The following CNTNAP2 variants were observed in gnomAD, a reference collection of about 807,000 sequenced individuals.
CNTNAP2 encodes the protein contactin associated protein 2, also known as contactin-associated protein-like 2.
CNTNAP2 carries 98 observed loss-of-function variants against 155.2 expected under a neutral mutation model. That is an observed-to-expected ratio of 0.63 (90% CI 0.54 to 0.75). The LOEUF is 0.75. Among genes scored for constraint, CNTNAP2 ranks in the 30% least tolerant of loss-of-function variants. The pLI, the probability that CNTNAP2 is intolerant of heterozygous loss-of-function variation, is 0.00. For synonymous variants in CNTNAP2, 651 were observed against 631.2 expected (o/e 1.03, Z -0.47); for missense variants, 1,727 against 1,688.1 (o/e 1.02, Z -0.40).
intron 1 of CNTNAP2, among the ~76,000 whole-genome samples, chr7:146,550,345 G>A (rs1798096281): frequency 1.4e-5 from 2 of 148,074 alleles, no homozygotes; most frequent in Non-Finnish European, 3.0e-5. Flanking sequence ...TAGATCCTAT[G>A]GGCAGCAATT....
intron 9 of CNTNAP2, among the ~76,000 whole-genome samples, chr7:147,325,987 A>G (rs1321665000): frequency 1.3e-5 from 2 of 152,088 alleles, no homozygotes; most frequent in African/African-American, 4.8e-5. Flanking sequence ...CAGTGGCACA[A>G]TCTCGGCTCA....
chr7:146,220,963 T>C (rs1799198975), intron 1 of CNTNAP2, among the ~76,000 whole-genome samples: 1 of 152,242 alleles, frequency 6.6e-6, no homozygotes, highest in Non-Finnish European at 1.5e-5. Context: ...TGCCCAAAGT[T>C]TGATTATACA....
chr7:146,577,976 G>C (rs561137255), intron 1 of CNTNAP2, among the ~76,000 whole-genome samples: 1 of 152,138 alleles, frequency 6.6e-6, no homozygotes. Flanking sequence ...AGAAACCCAG[G>C]TCAAAGTTGT....
chr7:147,533,784 T>C (rs943416542), intron 11 of CNTNAP2, among the ~76,000 whole-genome samples: 23 of 151,964 alleles, frequency 1.5e-4, no homozygotes, highest in Admixed American at 1.5e-3. Flanking sequence ...TTGGTAAGAA[T>C]AGTTTTAACT....
intron 15 of CNTNAP2, among the ~76,000 whole-genome samples, chr7:148,015,199 A>C (rs766997416): frequency 3.3e-5 from 5 of 152,138 alleles, no homozygotes; most frequent in Non-Finnish European, 7.4e-5. Context: ...TTTGCAGAAC[A>C]TTACATAGTA....
chr7:147,121,086 A>G lies in CNTNAP2; in HGVS notation c.862A>G (p.Ile288Val), dbSNP rs757316182. ...SVVIERQGRS[I>V]NLTLDRSMQH... ...GGTCATTGAGCGCCAGGGGCGGAGC[A>G]TTAACCTCACTCTGGACAGGAGCAT... The change falls in exon 6 of 24, where the codon ATT becomes GTT. Residue 288 changes from isoleucine to valine, a missense_variant. By Grantham distance (29) the Ile-to-Val change is conservative. Coordinates refer to ENST00000361727, the MANE Select transcript of CNTNAP2 (RefSeq NM_014141.6). The G allele has an allele frequency of 1.8e-5, 29 of 1,614,064 alleles. No individual in the cohort carries two copies. Among genetic ancestry groups the G allele is most frequent in the Non-Finnish European group, 2.4e-5 (28 of 1,180,048 alleles).
At chr7:146,513,081 AT>A (rs2129135840) in intron 1 of CNTNAP2, among the ~76,000 whole-genome samples, 1 of 151,860 alleles carries the variant, frequency 6.6e-6, no homozygotes, top group East Asian at 1.9e-4. Flanking sequence ...CTTGAAGTCT[AT>A]TTTTATCTGA....
chr7:146,928,910 G>C (rs559866813), intron 3 of CNTNAP2, among the ~76,000 whole-genome samples: 3 of 152,346 alleles, frequency 2.0e-5, no homozygotes, highest in South Asian at 4.1e-4. Flanking sequence ...GCCCAGGCTT[G>C]CTTAGGTAAA....
chr7:147,983,811 G>A (rs191001904), intron 15 of CNTNAP2, among the ~76,000 whole-genome samples: 165 of 152,302 alleles, frequency 1.1e-3, no homozygotes, highest in Middle Eastern at 3.4e-3. Flanking sequence ...TACTTATTAT[G>A]TAGATGAAGT....
chr7:146,396,092 A>G (rs1639483), intron 1 of CNTNAP2, among the ~76,000 whole-genome samples: 78,137 of 151,884 alleles, frequency 0.51, 22,396 homozygotes, highest in African/African-American at 0.77. Context: ...CTGCCCTGAC[A>G]CATGATAGAT....
chr7:146,944,169 T>C (rs899108001), intron 3 of CNTNAP2, among the ~76,000 whole-genome samples: 58 of 151,450 alleles, frequency 3.8e-4, no homozygotes, highest in African/African-American at 1.3e-3. Context: ...GTTCCTGACA[T>C]GGCTATTTTT....
Position 147,931,634 on chromosome 7 carries a change from C to T in CNTNAP2, c.2255+27913C>T, listed in dbSNP as rs565248894. On this transcript the variant is annotated intron_variant, in intron 14 of 23. Coordinates refer to ENST00000361727, the MANE Select transcript of CNTNAP2 (RefSeq NM_014141.6). The stretch of plus-strand genomic sequence containing the variant: ...GAAGGATGTTTCAACATAAATAAAT[C>T]AATTAATGTGCTGCACTACATTGCC... Among the ~76,000 whole-genome samples the T allele has an allele frequency of 2.0e-5, 3 of 152,180 alleles. No homozygotes were observed. In the East Asian group the frequency reaches 5.8e-4, roughly 29 times the overall value.
intron 1 of CNTNAP2, among the ~76,000 whole-genome samples, chr7:146,434,409 A>C (rs374654181): frequency 6.6e-6 from 1 of 152,206 alleles, no homozygotes; most frequent in African/African-American, 2.4e-5. Flanking sequence ...CTCTGGATCC[A>C]CAGGCTAATT....
chr7:146,577,478 C>A (rs1798543404), intron 1 of CNTNAP2, among the ~76,000 whole-genome samples: 1 of 152,102 alleles, frequency 6.6e-6, no homozygotes, highest in Non-Finnish European at 1.5e-5. Context: ...AAGAATCCAA[C>A]ATGTAGATTT....
intron 3 of CNTNAP2, among the ~76,000 whole-genome samples, chr7:146,860,624 G>C (rs6966858): frequency 0.32 from 48,325 of 151,932 alleles, 8,021 homozygotes; most frequent in African/African-American, 0.43. Context: ...AAAGAGGATA[G>C]TCTATTGTGG....
chr7:147,916,710 C>T (rs1177344787), intron 14 of CNTNAP2, among the ~76,000 whole-genome samples: 1 of 146,762 alleles, frequency 6.8e-6, no homozygotes, highest in Non-Finnish European at 1.5e-5. Flanking sequence ...CCCAAAAAAT[C>T]AATCATGGAA....
rs79289810 is a variant in CNTNAP2, at chr7:147,526,402, T to C, written c.1778-35736T>C. Reference sequence around the variant, plus strand: ...TCTGGCAGTATATTCTCCTAGTCTATGGAAAATATGCTATAATCAGCCTGT... The same window carrying C: ...TCTGGCAGTATATTCTCCTAGTCTACGGAAAATATGCTATAATCAGCCTGT... On this transcript the variant is annotated intron_variant, in intron 11 of 23. Transcript: ENST00000361727. 1.7e-4 allele frequency among the ~76,000 whole-genome samples: 26 copies of C among 152,246 alleles called. No homozygotes were observed. In the East Asian group the frequency reaches 4.8e-3, roughly 28 times the overall value.
At chr7:146,867,911 T>C (rs957295845) in intron 3 of CNTNAP2, among the ~76,000 whole-genome samples, 1 of 146,560 alleles carries the variant, frequency 6.8e-6, no homozygotes, top group Non-Finnish European at 1.5e-5. Context: ...TTATAGATAC[T>C]GGGTATTAGA....
chr7:146,946,575 A>G (rs536315734), intron 3 of CNTNAP2, among the ~76,000 whole-genome samples: 38 of 152,306 alleles, frequency 2.5e-4, no homozygotes, highest in African/African-American at 9.1e-4. Context: ...TGAAATTGCA[A>G]TAGATAATGA....
Sources: gnomAD v4.1 joint callset for allele counts (sites outside exome capture counted in the v4.1 genomes callset) on GRCh38, gnomAD v4.1.1 for gene constraint, MANE v1.5 for transcripts, NCBI Gene and HGNC (gene_info 2026-07-23, HGNC 2026-07-21) for gene names.